The following PTGER4 variants were observed in gnomAD, a reference collection of about 807,000 sequenced individuals.
The protein encoded by PTGER4 is prostaglandin E receptor 4, also known as prostaglandin E2 receptor EP4 subtype.
A neutral mutation model predicts 33.2 loss-of-function variants in PTGER4; 11 were observed. The ratio of observed to expected loss-of-function variants is 0.33; its 90% confidence interval spans 0.21 to 0.55. PTGER4 has a LOEUF of 0.55. PTGER4 is among the 20% of genes least tolerant of loss of function. The pLI, the probability that PTGER4 is intolerant of heterozygous loss-of-function variation, is 0.92. For missense variants in PTGER4, 481 were observed against 650.2 expected (o/e 0.74, Z 2.83); for synonymous variants, 275 against 281.5 (o/e 0.98, Z 0.23).
chr5:40,715,257 C>G, the PTGER4 span: 1 of 152,014 alleles, frequency 6.6e-6, no homozygotes, highest in Admixed American at 6.6e-5. Flanking sequence ...AATGGAAAGA[C>G]ACAAGCAAGA....
chr5:40,720,093 A>G, the PTGER4 span, among the ~76,000 whole-genome samples: 1 of 152,188 alleles, frequency 6.6e-6, no homozygotes, highest in East Asian at 1.9e-4. Context: ...TTCCAATGTC[A>G]TATCTAAAAA....
chr5:40,742,420 A>G, the PTGER4 span, among the ~76,000 whole-genome samples: 171 of 152,308 alleles, frequency 1.1e-3, 1 homozygote, highest in African/African-American at 4.0e-3. Flanking sequence ...CCATCACAAC[A>G]GCATTGAGGT....
At chr5:40,689,791 G>A (rs1741423980) in intron 2 of PTGER4, among the ~76,000 whole-genome samples, 1 of 152,064 alleles carries the variant, frequency 6.6e-6, no homozygotes, top group Non-Finnish European at 1.5e-5. Context: ...TGGTTTTTAT[G>A]TATCTTCCTT....
At chr5:40,738,488 AC>A in the PTGER4 span, among the ~76,000 whole-genome samples, 1,066 of 136,496 alleles carry the variant, frequency 7.8e-3, 14 homozygotes, top group African/African-American at 0.022. Flanking sequence ...ACAATACAAT[AC>A]AATACAATAC....
rs544283784 is a variant in PTGER4 at position 40,691,193 on chromosome 5, G to C, written c.868-586G>C. Among the ~76,000 whole-genome samples, 22 of 151,118 alleles carry C rather than the reference G, an allele frequency of 1.5e-4. No individual in the cohort carries two copies. The highest frequency in any genetic ancestry group is 2.4e-4 in the Non-Finnish European group (16 of 67,720). On this transcript the variant is annotated intron_variant, in intron 2 of 2. Coordinates refer to ENST00000302472, the MANE Select transcript of PTGER4 (RefSeq NM_000958.3). This position sits in a 1 kb window ranked among gnomAD's most constrained non-coding sequence, Gnocchi z 4.2. ...GTGCCGCCACACCTGGCTAATTTTT[G>C]TTTTTTTGAGACGGAGTCTCGCTCT...
the PTGER4 span, among the ~76,000 whole-genome samples, chr5:40,728,005 G>C: frequency 1.7e-3 from 262 of 152,090 alleles, 1 homozygote; most frequent in African/African-American, 6.0e-3. Context: ...AAATAGACTG[G>C]GCATGTTGGC....
At chr5:40,737,754 T>C in the PTGER4 span, among the ~76,000 whole-genome samples, 2 of 152,232 alleles carry the variant, frequency 1.3e-5, no homozygotes, top group African/African-American at 4.8e-5. Context: ...CTACCCCAAC[T>C]GCTGACCCCA....
At chr5:40,737,007 C>T in the PTGER4 span, among the ~76,000 whole-genome samples, 5 of 151,984 alleles carry the variant, frequency 3.3e-5, no homozygotes, top group Admixed American at 2.0e-4. Flanking sequence ...ATTTAAAAGC[C>T]ACTCAAGGTT....
chr5:40,717,229 CAA>C, the PTGER4 span, among the ~76,000 whole-genome samples: 9 of 108,880 alleles, frequency 8.3e-5, no homozygotes, highest in African/African-American at 1.0e-4. Context: ...AACTCCATCT[CAA>C]AAAAAAAAAA....
At chr5:40,730,339 G>T in the PTGER4 span, 1 of 1,611,686 alleles carries the variant, frequency 6.2e-7, no homozygotes, top group Non-Finnish European at 8.5e-7. Context: ...ATTGCCTCCC[G>T]ATATCTGTGG....
chr5:40,732,458 T>A, the PTGER4 span, among the ~76,000 whole-genome samples: 1 of 151,816 alleles, frequency 6.6e-6, no homozygotes, highest in Non-Finnish European at 1.5e-5. Flanking sequence ...TGTAACTATA[T>A]CAAGTATGCC....
At position 40,681,487 on chromosome 5, in the gene PTGER4, A is replaced by C. The variant is rs2111783278; in HGVS notation, c.494A>C (p.Tyr165Ser). ...NMGLGSSRLQ[Y>S]PDTWCFIDWT... ...GGTCTCGGTAGCTCGCGGCTGCAGTACCCAGACACCTGGTGCTTCATCGAC... is the reference window on the plus strand; with the variant it reads ...GGTCTCGGTAGCTCGCGGCTGCAGTCCCCAGACACCTGGTGCTTCATCGAC... Residue 165 changes from tyrosine (Y) to serine (S), a missense_variant, in exon 2 of 3, where the codon TAC (tyrosine) becomes TCC (serine). Tyr to Ser is a moderately radical substitution (Grantham distance 144). Transcript: ENST00000302472. The surrounding 1 kb of genome is among the most constrained non-coding windows in gnomAD (Gnocchi z 9.8). 6.2e-7 allele frequency: 1 copy of C among 1,613,456 alleles called. No homozygotes were observed. The highest frequency in any genetic ancestry group is 8.5e-7 in the Non-Finnish European group (1 of 1,180,028).
chr5:40,736,402 T>A, the PTGER4 span, among the ~76,000 whole-genome samples: 4 of 152,208 alleles, frequency 2.6e-5, no homozygotes, highest in Admixed American at 2.0e-4. Context: ...AATTCTAATT[T>A]ATATTCCTGC....
chr5:40,693,229 T>C lies in PTGER4; in HGVS notation c.*851T>C. 2 of 984,272 alleles carry C rather than the reference T, an allele frequency of 2.0e-6. No homozygotes were observed. The highest frequency in any genetic ancestry group is 4.7e-5 in the South Asian group (1 of 21,250). 61.0% of individuals were successfully genotyped at this position (984,272 alleles called of 1,614,324 possible). On this transcript the variant is annotated 3_prime_UTR_variant, in exon 3 of 3. Transcript: ENST00000302472. ...ATGCTGGTGAATATTTTCAACTTTTTCCCTCACTAATTGGTACTTTTAAAA... is the reference window on the plus strand; with the variant it reads ...ATGCTGGTGAATATTTTCAACTTTTCCCCTCACTAATTGGTACTTTTAAAA...
At chr5:40,690,783 T>C (rs964666758) in intron 2 of PTGER4, among the ~76,000 whole-genome samples, 1 of 152,152 alleles carries the variant, frequency 6.6e-6, no homozygotes, top group Non-Finnish European at 1.5e-5. Flanking sequence ...AAGAAATCAG[T>C]AGCTTTTGGG....
downstream of PTGER4, among the ~76,000 whole-genome samples, chr5:40,698,210 T>C (rs1205685898): frequency 1.3e-5 from 2 of 151,408 alleles, no homozygotes; most frequent in African/African-American, 4.9e-5. Context: ...GCCATGAATT[T>C]GAGGTTACAG....
chr5:40,718,039 G>C, the PTGER4 span, among the ~76,000 whole-genome samples: 1 of 150,510 alleles, frequency 6.6e-6, no homozygotes, highest in Non-Finnish European at 1.5e-5. Flanking sequence ...TCCAGCCTGG[G>C]CAACAAGAGC....
At chr5:40,717,977 G>T in the PTGER4 span, among the ~76,000 whole-genome samples, 2 of 151,834 alleles carry the variant, frequency 1.3e-5, no homozygotes, top group African/African-American at 4.8e-5. Flanking sequence ...CAGGAGAATC[G>T]CTTGAACTCG....
intron 2 of PTGER4, among the ~76,000 whole-genome samples, chr5:40,686,026 G>T (rs1221509614): frequency 6.6e-6 from 1 of 152,084 alleles, no homozygotes; most frequent in African/African-American, 2.4e-5. Context: ...CAAATGGCCA[G>T]AAGAAGAACC....
Sources: allele counts gnomAD v4.1 joint callset (sites outside exome capture counted in the v4.1 genomes callset), GRCh38; gene constraint gnomAD v4.1.1; non-coding constraint Gnocchi (gnomAD v3.1); transcripts MANE v1.5; gene names NCBI Gene and HGNC (gene_info 2026-07-23, HGNC 2026-07-21).